Variants in SBF2 observed in about 807,000 individuals in gnomAD.
The protein encoded by SBF2 is SET binding factor 2.
In SBF2, 112 loss-of-function variants were observed where a neutral mutation model predicts 225.2. That is an observed-to-expected ratio of 0.50 (90% CI 0.43 to 0.58). The LOEUF is 0.58. Ranked by LOEUF, SBF2 falls within the 20% of genes least tolerant of loss-of-function variation. The probability of loss-of-function intolerance (pLI) is 0.00; values close to 1 mark genes in which losing one functional copy is unlikely to be tolerated. For missense variants in SBF2, 1,996 were observed against 2,206.2 expected (o/e 0.90, Z 1.91); for synonymous variants, 763 against 773.3 (o/e 0.99, Z 0.22).
chr11:10,144,761 A>C (rs1954811866), intron 2 of SBF2, among the ~76,000 whole-genome samples: 1 of 152,202 alleles, frequency 6.6e-6, no homozygotes, highest in Non-Finnish European at 1.5e-5. Flanking sequence ...CTCATGGTAC[A>C]AGGGAAGAAG....
chr11:10,023,691 G>A (rs1477682638), intron 6 of SBF2, among the ~76,000 whole-genome samples: 4 of 152,036 alleles, frequency 2.6e-5, no homozygotes, highest in Admixed American at 1.3e-4. Context: ...GTTGTAGCAC[G>A]TATCAATACT....
intron 32 of SBF2, among the ~76,000 whole-genome samples, chr11:9,806,060 T>C (rs1372639109): frequency 6.6e-6 from 1 of 152,244 alleles, no homozygotes; most frequent in African/African-American, 2.4e-5. Flanking sequence ...TTGTGTTAGA[T>C]ACTAGGGATA....
At chr11:10,004,979 G>C (rs145631014) in intron 6 of SBF2, among the ~76,000 whole-genome samples, 5 of 152,148 alleles carry the variant, frequency 3.3e-5, no homozygotes, top group Non-Finnish European at 7.3e-5. Flanking sequence ...AGCCAGACAT[G>C]AGCAGGGAAG....
At chr11:9,943,096 C>G (rs988339722) in intron 16 of SBF2, among the ~76,000 whole-genome samples, 1 of 151,978 alleles carries the variant, frequency 6.6e-6, no homozygotes, top group Non-Finnish European at 1.5e-5. Context: ...TTATAGAAAT[C>G]TGATATATAA....
At chr11:9,936,086 C>T (rs1864876448) in intron 16 of SBF2, among the ~76,000 whole-genome samples, 2 of 151,506 alleles carry the variant, frequency 1.3e-5, no homozygotes, top group African/African-American at 4.8e-5. Context: ...CCAGAATCTA[C>T]AAAGAACTCA....
In SBF2 at chr11:9,956,263, C is replaced by T. The variant is rs972274938; in HGVS notation, c.1860+5694G>A. Reference sequence around the variant, plus strand: ...GTCTCTTGATGTATGTGGGCAAGAGCTCCTCTAGGAAGGAAATCACTAGGT... The same window carrying T: ...GTCTCTTGATGTATGTGGGCAAGAGTTCCTCTAGGAAGGAAATCACTAGGT... On this transcript the variant is annotated intron_variant, in intron 16 of 39. Coordinates refer to ENST00000256190, the MANE Select transcript of SBF2 (RefSeq NM_030962.4). Among the ~76,000 whole-genome samples, 5 of 152,262 alleles carry T rather than the reference C, an allele frequency of 3.3e-5. No homozygotes were observed. In the East Asian group the frequency reaches 9.7e-4, roughly 29 times the overall value.
chr11:9,807,824 AT>A (rs931531428), intron 32 of SBF2, 175 bp downstream of exon 32: 8 of 670,760 alleles, frequency 1.2e-5, no homozygotes, highest in East Asian at 5.5e-5. Context: ...AAACCAACTA[AT>A]TTTTTTTCTT....
intron 2 of SBF2, among the ~76,000 whole-genome samples, chr11:10,122,890 G>A (rs1055479509): frequency 2.0e-5 from 3 of 152,122 alleles, no homozygotes; most frequent in Non-Finnish European, 2.9e-5. Context: ...GTCATCAAAG[G>A]TTAAATTATA....
At chr11:10,036,076 C>T (rs1017885558) in intron 3 of SBF2, among the ~76,000 whole-genome samples, 1 of 152,146 alleles carries the variant, frequency 6.6e-6, no homozygotes, top group Non-Finnish European at 1.5e-5. Context: ...GAATACTATG[C>T]AGCCATAAAA....
chr11:10,067,203 A>G (rs890585301), intron 2 of SBF2, among the ~76,000 whole-genome samples: 2 of 152,214 alleles, frequency 1.3e-5, no homozygotes, highest in Non-Finnish European at 2.9e-5. Context: ...GCTGAGGAAA[A>G]CTAAATAAGA....
intron 2 of SBF2, among the ~76,000 whole-genome samples, chr11:10,046,392 C>G (rs185977300): frequency 1.1e-3 from 160 of 152,140 alleles, no homozygotes; most frequent in African/African-American, 3.4e-3. Flanking sequence ...AAGTTGAATT[C>G]AACAATGAAT....
intron 32 of SBF2, among the ~76,000 whole-genome samples, chr11:9,802,162 A>G (rs1853530631): frequency 6.6e-6 from 1 of 152,228 alleles, no homozygotes; most frequent in African/African-American, 2.4e-5. Flanking sequence ...ATTATATTTT[A>G]AAAAGAAAGT....
At chr11:9,896,265 G>T (rs1861245644) in intron 16 of SBF2, among the ~76,000 whole-genome samples, 1 of 152,104 alleles carries the variant, frequency 6.6e-6, no homozygotes, top group Admixed American at 6.5e-5. Flanking sequence ...TTTGAGAAAG[G>T]TATTTTCATA....
chr11:10,196,145 C>A (rs1384679855), intron 1 of SBF2, among the ~76,000 whole-genome samples: 1 of 152,114 alleles, frequency 6.6e-6, no homozygotes, highest in African/African-American at 2.4e-5. Context: ...TTTCAGTAAC[C>A]AACTTGTTTC....
At chr11:10,212,974 G>A (rs1027989664) in intron 1 of SBF2, among the ~76,000 whole-genome samples, 3 of 152,058 alleles carry the variant, frequency 2.0e-5, no homozygotes, top group African/African-American at 4.8e-5. Flanking sequence ...GCTTGAACCC[G>A]GGAGGCGGAG....
At chr11:9,800,111 A>C (rs1326291687) in intron 32 of SBF2, among the ~76,000 whole-genome samples, 1 of 152,006 alleles carries the variant, frequency 6.6e-6, no homozygotes, top group Non-Finnish European at 1.5e-5. Context: ...GGTTGTGCAC[A>C]CTTGTAATCT....
At chr11:10,021,169 G>C (rs1295756836) in intron 6 of SBF2, among the ~76,000 whole-genome samples, 1 of 152,238 alleles carries the variant, frequency 6.6e-6, no homozygotes, top group East Asian at 1.9e-4. Flanking sequence ...AAAACTGTTG[G>C]ATACATTTTC....
At chr11:9,904,237 C>T (rs1278977064) in intron 16 of SBF2, among the ~76,000 whole-genome samples, 3 of 151,868 alleles carry the variant, frequency 2.0e-5, no homozygotes, top group African/African-American at 7.3e-5. Context: ...CTTAAGGATA[C>T]ACGAAATTTA....
intron 2 of SBF2, among the ~76,000 whole-genome samples, chr11:10,101,028 GC>G (rs973675776): frequency 6.6e-6 from 1 of 152,148 alleles, no homozygotes; most frequent in African/African-American, 2.4e-5. Context: ...GATTTGGAAG[GC>G]CTTCTGCCTA....
Sources: allele counts gnomAD v4.1 joint callset (sites outside exome capture counted in the v4.1 genomes callset), GRCh38; gene constraint gnomAD v4.1.1; transcripts MANE v1.5; gene names NCBI Gene and HGNC (gene_info 2026-07-23, HGNC 2026-07-21).